HFE: variants seen among roughly 807,000 people sequenced by gnomAD.
The protein encoded by HFE is homeostatic iron regulator, also known as hereditary hemochromatosis protein.
In HFE, 36 loss-of-function variants were observed where a neutral mutation model predicts 40.9. The observed-to-expected ratio is 0.88, with a 90% confidence interval of 0.67 to 1.16. The LOEUF is 1.16. HFE is among the 50% of genes most tolerant of loss of function. HFE has a pLI of 0.00. For missense variants in HFE, 376 were observed against 432.0 expected (o/e 0.87, Z 1.15); for synonymous variants, 157 against 165.4 (o/e 0.95, Z 0.39).
chr6:26,090,822 C>T lies in HFE; in HGVS notation c.77-19C>T, dbSNP rs546614856. The T allele has an allele frequency of 1.9e-6, 3 of 1,612,824 alleles. No homozygotes were observed. The highest frequency in any genetic ancestry group is 2.5e-6 in the Non-Finnish European group (3 of 1,179,846). ...CCCCTCCTACTACACATGGTTAAGG[C>T]CTGTTGCTCTGTCTCCAGGTTCACA... is the stretch of plus-strand genomic sequence containing the variant. On this transcript the variant is annotated intron_variant, in intron 1 of 5. Coordinates refer to ENST00000357618, the MANE Select transcript of HFE (RefSeq NM_000410.4).
At position 26,098,087 on chromosome 6, in the gene HFE, C is replaced by T. The variant is rs959222968; in HGVS notation, c.*3861C>T. On this transcript the variant is annotated 3_prime_UTR_variant, in exon 6 of 6. Transcript: ENST00000357618. Reference sequence around the variant, plus strand: ...TTTTTGCATCAGCGATTAACTTCTACACTCTAACATGTAGAATGTTACTAC... The same window carrying T: ...TTTTTGCATCAGCGATTAACTTCTATACTCTAACATGTAGAATGTTACTAC... 3 of 152,192 alleles carry T rather than the reference C, an allele frequency of 2.0e-5. No individual in the cohort carries two copies. Among genetic ancestry groups the T allele is most frequent in the African/African-American group, 7.2e-5 (3 of 41,462 alleles). 9.4% of individuals were successfully genotyped at this position (152,192 alleles called of 1,614,324 possible).
Position 26,094,056 on chromosome 6 carries a change from A to G in HFE, c.1007-130A>G, listed in dbSNP as rs1413460616. 3 of 874,464 alleles carry G rather than the reference A, an allele frequency of 3.4e-6. No individual in the cohort carries two copies. The Admixed American group carries it at 5.3e-5, about 16-fold the overall frequency. The allele number at this position is 874,464 out of a possible 1,614,324, so 54.2% of individuals were successfully genotyped here. On this transcript the variant is annotated intron_variant, in intron 5 of 5. Coordinates refer to ENST00000357618, the MANE Select transcript of HFE (RefSeq NM_000410.4). ...AATAAGCATTTCCAGATGAGAGATAATGGTTCTTGAAATCCAATAGTGCCC... is the reference window on the plus strand; with the variant it reads ...AATAAGCATTTCCAGATGAGAGATAGTGGTTCTTGAAATCCAATAGTGCCC...
At position 26,092,882 on chromosome 6, in the gene HFE, G is replaced by A. The variant is rs748693003; in HGVS notation, c.814G>A (p.Val272Ile). 33 of 1,614,102 alleles carry A rather than the reference G, an allele frequency of 2.0e-5. No homozygotes were observed. The South Asian group carries it at 3.3e-4, about 16-fold the overall frequency. Residue 272 changes from valine to isoleucine, a missense_variant, in exon 4 of 6, where the codon GTA becomes ATA. Coordinates refer to ENST00000357618, the MANE Select transcript of HFE (RefSeq NM_000410.4). ...CTACCAGGGCTGGATAACCTTGGCT[G>A]TACCCCCTGGGGAAGAGCAGAGATA... is the stretch of plus-strand genomic sequence containing the variant. ...GTYQGWITLA[V>I]PPGEEQRYTC...
rs1251987376 is a variant in HFE, at chr6:26,091,367, A to G, written c.394A>G (p.Thr132Ala). 1 of 1,614,062 alleles carries G rather than the reference A, an allele frequency of 6.2e-7. No individual in the cohort carries two copies. Among genetic ancestry groups the G allele is most frequent in the Non-Finnish European group, 8.5e-7 (1 of 1,180,034 alleles). Residue 132 changes from threonine (T) to alanine (A), a missense_variant, in exon 3 of 6, where the codon ACC becomes GCC. This residue lies in a region of HFE where 200 missense variants were observed against 228.5 expected (regional missense o/e 0.88). Coordinates refer to ENST00000357618, the MANE Select transcript of HFE (RefSeq NM_000410.4). ...CTGTGAAATGCAAGAAGACAACAGT[A>G]CCGAGGGCTACTGGAAGTACGGGTA... is the stretch of plus-strand genomic sequence containing the variant. The part of the protein sequence containing the change: ...LGCEMQEDNS[T>A]EGYWKYGYDG...
At position 26,097,415 on chromosome 6, in the gene HFE, T is replaced by C. The variant is rs911445556; in HGVS notation, c.*3189T>C. ...CAAAGACCTGCATTTTAAATTCTTA[T>C]TCACCTCTGGCAAAACCATTCACAA... On this transcript the variant is annotated 3_prime_UTR_variant, in exon 6 of 6. Coordinates refer to ENST00000357618, the MANE Select transcript of HFE (RefSeq NM_000410.4). The C allele has an allele frequency of 1.3e-5, 2 of 152,192 alleles. No homozygotes were observed. The highest frequency in any genetic ancestry group is 4.8e-5 in the African/African-American group (2 of 41,438). The allele number at this position is 152,192 out of a possible 1,614,324, so 9.4% of individuals were successfully genotyped here.
At chr6:26,089,677 A>T (rs1762539687) in intron 1 of HFE, among the ~76,000 whole-genome samples, 1 of 152,154 alleles carries the variant, frequency 6.6e-6, no homozygotes, top group South Asian at 2.1e-4. Flanking sequence ...GTAGTAGCTC[A>T]TGCCAAGGAG....
At chr6:26,090,791 C>T (rs758372044) in intron 1 of HFE, 50 bp from the exon 2 acceptor site, 7 of 1,597,620 alleles carry the variant, frequency 4.4e-6, no homozygotes, top group East Asian at 2.2e-5. Context: ...GCCTCAACAT[C>T]CTGCTCCCCT....
At chr6:26,094,007 G>A (rs1344547485) in intron 5 of HFE, among the ~76,000 whole-genome samples, 179 bp from the exon 6 acceptor site, 1 of 152,110 alleles carries the variant, frequency 6.6e-6, no homozygotes, top group East Asian at 1.9e-4. Context: ...TTAGATGAGA[G>A]GTGAGGAGAC....
chr6:26,087,972 T>C (rs1561937128), intron 1 of HFE, among the ~76,000 whole-genome samples: 1 of 152,168 alleles, frequency 6.6e-6, no homozygotes, highest in Non-Finnish European at 1.5e-5. Flanking sequence ...CACAGCAGGA[T>C]CCGCACGGGG....
At chr6:26,090,465 A>AAAAAAAAAC in intron 1 of HFE, among the ~76,000 whole-genome samples, 1 of 150,930 alleles carries the variant, frequency 6.6e-6, no homozygotes, top group African/African-American at 2.4e-5. Context: ...AAAAAAAAAA[A>AAAAAAAAAC]AAAAAACTGA....
Position 26,097,862 on chromosome 6 carries a change from A to C in HFE, c.*3636A>C, listed in dbSNP as rs1302618193. On this transcript the variant is annotated 3_prime_UTR_variant, in exon 6 of 6. Coordinates refer to ENST00000357618, the MANE Select transcript of HFE (RefSeq NM_000410.4). ...TTCTTCACAAACTCACACACATTTA[A>C]AAACAAAACACTGTCTCTAAAATCC... The C allele has an allele frequency of 1.3e-5, 2 of 152,226 alleles. No individual in the cohort carries two copies. 9.4% of individuals were successfully genotyped at this position (152,226 alleles called of 1,614,324 possible).
rs1030362605 is a variant in HFE, at chr6:26,089,089, C to T, written c.76+1573C>T. On this transcript the variant is annotated intron_variant, in intron 1 of 5. Coordinates refer to ENST00000357618, the MANE Select transcript of HFE (RefSeq NM_000410.4). Reference sequence around the variant, plus strand: ...GATTAAAAAGCGGGTTTTCTCAGCACTACTCATGTGTGTGTGTGTGGGGGG... The same window carrying T: ...GATTAAAAAGCGGGTTTTCTCAGCATTACTCATGTGTGTGTGTGTGGGGGG... Among the ~76,000 whole-genome samples, 8 of 116,200 alleles carry T rather than the reference C, an allele frequency of 6.9e-5. No homozygotes were observed. In the South Asian group the frequency reaches 1.9e-3, roughly 27 times the overall value. 76.2% of individuals were successfully genotyped at this position (116,200 alleles called of 152,430 possible).
Position 26,090,839 on chromosome 6 carries a change from A to G in HFE, c.77-2A>G. 1 of 1,613,588 alleles carries G rather than the reference A, an allele frequency of 6.2e-7. No homozygotes were observed. The highest frequency in any genetic ancestry group is 8.5e-7 in the Non-Finnish European group (1 of 1,180,022). ...GGTTAAGGCCTGTTGCTCTGTCTCC[A>G]GGTTCACACTCTCTGCACTACCTCT... On this transcript the variant is annotated splice_acceptor_variant, in intron 1 of 5. Transcript: ENST00000357618. LOFTEE classifies it high-confidence loss of function.
rs1224275498 is a variant in HFE, at chr6:26,098,020, T to C, written c.*3794T>C. Reference sequence around the variant, plus strand: ...ACATGCAGGCTGATATTTGTAATTGTGATTCTCTCTGTAGGCTTTGGGTAT... The same window carrying C: ...ACATGCAGGCTGATATTTGTAATTGCGATTCTCTCTGTAGGCTTTGGGTAT... On this transcript the variant is annotated 3_prime_UTR_variant, in exon 6 of 6. Transcript: ENST00000357618. 6.6e-6 allele frequency: 1 copy of C among 152,238 alleles called. No individual in the cohort carries two copies. Among genetic ancestry groups the C allele is most frequent in the African/African-American group, 2.4e-5 (1 of 41,460 alleles). 9.4% of individuals were successfully genotyped at this position (152,238 alleles called of 1,614,324 possible). A position where few individuals can be genotyped will look rare whatever the true frequency, so the allele number is the denominator to read the frequency against.
intron 1 of HFE, among the ~76,000 whole-genome samples, chr6:26,089,852 CA>C (rs1762553215): frequency 6.6e-6 from 1 of 151,926 alleles, no homozygotes; most frequent in Non-Finnish European, 1.5e-5. Context: ...TGCTTGAGCC[CA>C]GGAAGTTGAG....
chr6:26,088,435 A>G (rs761116533), intron 1 of HFE, among the ~76,000 whole-genome samples: 1 of 152,240 alleles, frequency 6.6e-6, no homozygotes, highest in Non-Finnish European at 1.5e-5. Context: ...TCAGGTTACA[A>G]AGAACATAAA....
Position 26,096,412 on chromosome 6 carries a change from G to C in HFE, c.*2186G>C, listed in dbSNP as rs769642307. 360 of 454,954 alleles carry C rather than the reference G, an allele frequency of 7.9e-4. No homozygotes were observed. The highest frequency in any genetic ancestry group is 1.3e-3 in the Non-Finnish European group (290 of 226,742). 28.2% of individuals were successfully genotyped at this position (454,954 alleles called of 1,614,324 possible). Reference sequence around the variant, plus strand: ...GCCTCCCAAAGTGCTGAGATTACAGGTGTGAGCCACCCTGCCCAGCCGTCA... The same window carrying C: ...GCCTCCCAAAGTGCTGAGATTACAGCTGTGAGCCACCCTGCCCAGCCGTCA... On this transcript the variant is annotated 3_prime_UTR_variant, in exon 6 of 6. Transcript: ENST00000357618.
At chr6:26,088,219 G>T (rs1055050029) in intron 1 of HFE, among the ~76,000 whole-genome samples, 4 of 152,120 alleles carry the variant, frequency 2.6e-5, no homozygotes, top group African/African-American at 9.7e-5. Flanking sequence ...TTCTCTTTTC[G>T]GCTAGGCTTT....
At chr6:26,093,378 A>G in intron 5 of HFE, 146 bp downstream of exon 5, 1 of 683,670 alleles carries the variant, frequency 1.5e-6, no homozygotes, top group Non-Finnish European at 2.6e-6. Context: ...GAGACAGAAA[A>G]TAATGGTTCT....
Sources: allele counts gnomAD v4.1 joint callset (sites outside exome capture counted in the v4.1 genomes callset), GRCh38; gene constraint gnomAD v4.1.1; regional missense constraint gnomAD v4.1.1; transcripts MANE v1.5; gene names NCBI Gene and HGNC (gene_info 2026-07-23, HGNC 2026-07-21).